Variants in RANBP17 observed in about 807,000 individuals in gnomAD.
RANBP17 encodes the protein RAN binding protein 17, also known as ran-binding protein 17.
A neutral mutation model predicts 141.2 loss-of-function variants in RANBP17; 158 were observed. The observed-to-expected ratio is 1.12, with a 90% CI of 0.98 to 1.28. RANBP17 has a LOEUF of 1.28. Ranked by LOEUF, RANBP17 falls within the 50% of genes most tolerant of loss-of-function variation. The pLI is 0.00. For synonymous variants in RANBP17, 430 were observed against 450.0 expected (o/e 0.96, Z 0.56); for missense variants, 1,438 against 1,290.7 (o/e 1.11, Z -1.75).
intron 3 of RANBP17, among the ~76,000 whole-genome samples, chr5:170,887,798 G>A (rs987135531): frequency 4.6e-5 from 7 of 152,130 alleles, no homozygotes; most frequent in Non-Finnish European, 5.9e-5. Context: ...GGTGAGGGCC[G>A]TCTTGGTGCA....
intron 14 of RANBP17, among the ~76,000 whole-genome samples, chr5:171,106,994 T>G (rs1014313959): frequency 6.6e-6 from 1 of 151,794 alleles, no homozygotes; most frequent in Non-Finnish European, 1.5e-5. Context: ...AGGTCAAAAT[T>G]TCTTGGGGTT....
At chr5:171,118,138 G>T (rs1015992833) in intron 14 of RANBP17, among the ~76,000 whole-genome samples, 1 of 152,066 alleles carries the variant, frequency 6.6e-6, no homozygotes, top group Non-Finnish European at 1.5e-5. Context: ...TTACATTTAG[G>T]TCTTTGATCT....
At chr5:170,960,122 G>A (rs1298594096) in intron 13 of RANBP17, among the ~76,000 whole-genome samples, 2 of 152,188 alleles carry the variant, frequency 1.3e-5, no homozygotes, top group Non-Finnish European at 2.9e-5. Flanking sequence ...AAGGGAAGGA[G>A]TAAGCTTTGT....
In RANBP17 at chr5:171,247,812, T is replaced by C. The variant is rs559101317; in HGVS notation, c.2776+4992T>C. On this transcript the variant is annotated intron_variant, in intron 24 of 27. Transcript: ENST00000523189. ...ACTGAAGGGAACAAGACAGATAAGA[T>C]TCCTGCCCACATGAAAGCTTGCATT... Among the ~76,000 whole-genome samples, 13 of 152,268 alleles carry C rather than the reference T, an allele frequency of 8.5e-5. No individual in the cohort carries two copies. The South Asian group carries it at 2.7e-3, about 32-fold the overall frequency.
intron 22 of RANBP17, among the ~76,000 whole-genome samples, chr5:171,224,377 T>C (rs987742905): frequency 6.6e-6 from 1 of 152,354 alleles, no homozygotes; most frequent in African/African-American, 2.4e-5. Context: ...TCACTAAATA[T>C]ATTTTTTCCT....
At chr5:171,072,218 G>T (rs812407) in intron 14 of RANBP17, among the ~76,000 whole-genome samples, 92,907 of 151,862 alleles carry the variant, frequency 0.61, 29,782 homozygotes, top group South Asian at 0.88. Flanking sequence ...CCAAGGGGCA[G>T]GCGTGATTTC....
intron 14 of RANBP17, among the ~76,000 whole-genome samples, chr5:171,043,019 A>T (rs7718392): frequency 0.027 from 4,098 of 152,220 alleles, 171 homozygotes; most frequent in African/African-American, 0.092. Context: ...GATATAGCTG[A>T]TGGTGTGTAT....
intron 14 of RANBP17, among the ~76,000 whole-genome samples, chr5:171,116,711 ATTGT>A (rs1755655954): frequency 6.6e-6 from 1 of 152,144 alleles, no homozygotes; most frequent in African/African-American, 2.4e-5. Flanking sequence ...ATAATATATT[ATTGT>A]TAACTATAGC....
intron 12 of RANBP17, among the ~76,000 whole-genome samples, chr5:170,951,517 T>G (rs1038405317): frequency 6.6e-6 from 1 of 152,114 alleles, no homozygotes; most frequent in Non-Finnish European, 1.5e-5. Context: ...TATGATTCCA[T>G]TTATATGAAT....
intron 18 of RANBP17, among the ~76,000 whole-genome samples, chr5:171,194,044 T>C (rs1441829659): frequency 6.6e-6 from 1 of 152,188 alleles, no homozygotes; most frequent in African/African-American, 2.4e-5. Context: ...ACAGTTATCA[T>C]ATCATTTCTA....
At chr5:171,042,352 A>G (rs537125167) in intron 14 of RANBP17, among the ~76,000 whole-genome samples, 15 of 152,140 alleles carry the variant, frequency 9.9e-5, no homozygotes, top group Admixed American at 3.3e-4. Flanking sequence ...TATCCTAACC[A>G]TATGATAGGA....
intron 14 of RANBP17, among the ~76,000 whole-genome samples, chr5:171,088,633 C>G (rs2127722650): frequency 6.6e-6 from 1 of 152,274 alleles, no homozygotes; most frequent in East Asian, 1.9e-4. Context: ...TTCACATAGT[C>G]CCATATTTCT....
intron 13 of RANBP17, among the ~76,000 whole-genome samples, chr5:170,956,075 T>C (rs1478182121): frequency 6.6e-6 from 1 of 151,762 alleles, no homozygotes; most frequent in Non-Finnish European, 1.5e-5. Flanking sequence ...ATATTTATTT[T>C]TAATATATCT....
At chr5:171,265,264 G>A (rs1159610325) in intron 24 of RANBP17, among the ~76,000 whole-genome samples, 1 of 152,222 alleles carries the variant, frequency 6.6e-6, no homozygotes, top group Non-Finnish European at 1.5e-5. Context: ...GCTGGATACG[G>A]TGGCTCATGC....
At chr5:170,873,102 G>C (rs1391567215) in intron 1 of RANBP17, among the ~76,000 whole-genome samples, 2 of 152,204 alleles carry the variant, frequency 1.3e-5, no homozygotes, top group South Asian at 4.1e-4. Flanking sequence ...GTAGAGATGG[G>C]GTTTTGCCAC....
chr5:171,072,902 T>C (rs1301394241), intron 14 of RANBP17, among the ~76,000 whole-genome samples: 1 of 152,138 alleles, frequency 6.6e-6, no homozygotes, highest in Non-Finnish European at 1.5e-5. Flanking sequence ...AGTGAGTTGG[T>C]TATTCCTGCA....
chr5:170,924,069 C>T (rs1416293798), intron 11 of RANBP17, among the ~76,000 whole-genome samples: 1 of 151,544 alleles, frequency 6.6e-6, no homozygotes, highest in African/African-American at 2.4e-5. Context: ...GCAATCTTAG[C>T]TCACTGCAAC....
intron 5 of RANBP17, chr5:170,896,877 A>T (rs745453639): frequency 3.7e-6 from 2 of 539,474 alleles, no homozygotes; most frequent in Non-Finnish European, 6.8e-6. Flanking sequence ...TTGCAGGCCC[A>T]ATGCAGAGGC....
rs1756799693 is a variant in RANBP17 at position 171,130,177 on chromosome 5, T to C, written c.1711-39953T>C. On this transcript the variant is annotated intron_variant, in intron 14 of 27. Transcript: ENST00000523189. Reference sequence around the variant, plus strand: ...TTCAGCATACAACTAAATTGTACTTTGCATAAGAACATTAAAACAATTCTT... The same window carrying C: ...TTCAGCATACAACTAAATTGTACTTCGCATAAGAACATTAAAACAATTCTT... 2.0e-5 allele frequency among the ~76,000 whole-genome samples: 3 copies of C among 152,088 alleles called. 1 individual carries two copies. The South Asian group carries it at 6.2e-4, about 32-fold the overall frequency.
Sources: gnomAD v4.1 joint callset for allele counts (sites outside exome capture counted in the v4.1 genomes callset) on GRCh38, gnomAD v4.1.1 for gene constraint, MANE v1.5 for transcripts, NCBI Gene and HGNC (gene_info 2026-07-23, HGNC 2026-07-21) for gene names.